The following CEP128 variants were observed in gnomAD, a reference collection of about 807,000 sequenced individuals.
CEP128 encodes the protein centrosomal protein 128.
A neutral mutation model predicts 156.7 loss-of-function variants in CEP128; 132 were observed. That is an observed-to-expected ratio of 0.84 (90% CI 0.73 to 0.97). The LOEUF (loss-of-function observed/expected upper bound fraction) is 0.97, where lower values mean the gene tolerates loss of function less well. Ranked by LOEUF, CEP128 falls within the 50% of genes least tolerant of loss-of-function variation. The probability of loss-of-function intolerance (pLI) is 0.00; values close to 1 mark genes in which losing one functional copy is unlikely to be tolerated. For missense variants in CEP128, 1,252 were observed against 1,281.9 expected (o/e 0.98, Z 0.36); for synonymous variants, 469 against 448.9 (o/e 1.04, Z -0.57).
chr14:80,922,303 A>G (rs1048461192), intron 2 of CEP128, among the ~76,000 whole-genome samples: 3 of 152,198 alleles, frequency 2.0e-5, no homozygotes, highest in African/African-American at 7.2e-5. Flanking sequence ...CCAACTGATG[A>G]GCTGAAGAAA....
At chr14:80,838,929 C>T (rs1443595601) in intron 10 of CEP128, among the ~76,000 whole-genome samples, 1 of 152,122 alleles carries the variant, frequency 6.6e-6, no homozygotes, top group African/African-American at 2.4e-5. Context: ...GAAACCCCAT[C>T]TCTACTAAAA....
chr14:80,800,598 T>C (rs1244991304), intron 13 of CEP128, among the ~76,000 whole-genome samples: 1 of 152,194 alleles, frequency 6.6e-6, no homozygotes, highest in East Asian at 1.9e-4. Context: ...AGTTGCCATG[T>C]TCCTTCTAGA....
chr14:80,619,416 C>T (rs1419646556), intron 19 of CEP128, among the ~76,000 whole-genome samples: 1 of 107,666 alleles, frequency 9.3e-6, no homozygotes, highest in African/African-American at 3.9e-5. Flanking sequence ...AAATAGAAAA[C>T]AGGCCTGGCA....
At chr14:80,612,716 T>C (rs1247445299) in intron 19 of CEP128, among the ~76,000 whole-genome samples, 1 of 152,224 alleles carries the variant, frequency 6.6e-6, no homozygotes. Context: ...CATCACATTC[T>C]GAGTTGTACT....
intron 2 of CEP128, chr14:80,955,719 C>T (rs753393959): frequency 1.2e-6 from 2 of 1,614,128 alleles, no homozygotes; most frequent in Admixed American, 3.3e-5. Context: ...TGCTGCTGCT[C>T]GACCTGCCCA....
intron 15 of CEP128, among the ~76,000 whole-genome samples, chr14:80,778,702 G>C (rs549342565): frequency 6.6e-6 from 1 of 151,854 alleles, no homozygotes; most frequent in Non-Finnish European, 1.5e-5. Context: ...CTTTATTTAG[G>C]GTATAACCAG....
chr14:80,844,532 G>C (rs1458993), intron 9 of CEP128, among the ~76,000 whole-genome samples: 49,425 of 151,874 alleles, frequency 0.33, 8,938 homozygotes, highest in Non-Finnish European at 0.4. Flanking sequence ...GTATTTTCCC[G>C]ATGGAAATGG....
At chr14:80,860,841 T>C (rs1293143814) in intron 9 of CEP128, among the ~76,000 whole-genome samples, 2 of 152,078 alleles carry the variant, frequency 1.3e-5, no homozygotes, top group Non-Finnish European at 2.9e-5. Context: ...CTTTAAAAAA[T>C]CTGTCGATTA....
At chr14:80,699,527 A>G (rs146932474) in intron 19 of CEP128, among the ~76,000 whole-genome samples, 2 of 152,312 alleles carry the variant, frequency 1.3e-5, no homozygotes, top group East Asian at 3.9e-4. Flanking sequence ...AATTATGAAC[A>G]AAATTATTGA....
chr14:80,544,127 T>A (rs963484154), intron 21 of CEP128, among the ~76,000 whole-genome samples: 1 of 152,180 alleles, frequency 6.6e-6, no homozygotes, highest in Admixed American at 6.5e-5. Flanking sequence ...CTGCTAAAGC[T>A]GACCAGATTC....
intron 20 of CEP128, among the ~76,000 whole-genome samples, 186 bp from the exon 21 acceptor site, chr14:80,559,488 T>G (rs1206068099): frequency 6.6e-6 from 1 of 152,200 alleles, no homozygotes; most frequent in African/African-American, 2.4e-5. Context: ...TGAATGTATC[T>G]TTTTTCATCT....
chr14:80,809,937 T>TA (rs912210678), intron 13 of CEP128, among the ~76,000 whole-genome samples: 11 of 149,078 alleles, frequency 7.4e-5, no homozygotes, highest in Admixed American at 6.0e-4. Flanking sequence ...AACATAAAAA[T>TA]AAAAAAAAGA....
chr14:80,838,115 T>C (rs1886174875), intron 11 of CEP128, 89 bp downstream of exon 11: 2 of 880,316 alleles, frequency 2.3e-6, no homozygotes, highest in Middle Eastern at 2.4e-4. Context: ...GACCTAGTTC[T>C]TTTTTTTCCT....
At chr14:80,737,177 G>T (rs535438036) in intron 19 of CEP128, among the ~76,000 whole-genome samples, 1 of 152,042 alleles carries the variant, frequency 6.6e-6, no homozygotes, top group Non-Finnish European at 1.5e-5. Context: ...AGGCCGAGGC[G>T]GGTGGATCAC....
intron 23 of CEP128, among the ~76,000 whole-genome samples, chr14:80,520,281 T>C (rs922606755): frequency 6.6e-6 from 1 of 152,010 alleles, no homozygotes; most frequent in Non-Finnish European, 1.5e-5. Context: ...TAGCCAGGCA[T>C]AGTGGCGCAT....
At chr14:80,633,437 G>C (rs1894048845) in intron 19 of CEP128, among the ~76,000 whole-genome samples, 1 of 152,106 alleles carries the variant, frequency 6.6e-6, no homozygotes, top group African/African-American at 2.4e-5. Flanking sequence ...CCCTTGTAGA[G>C]CTCACAAGCT....
intron 21 of CEP128, among the ~76,000 whole-genome samples, chr14:80,536,803 T>G (rs1358685028): frequency 1.3e-5 from 2 of 152,176 alleles, no homozygotes. Flanking sequence ...TTCAAAGTTG[T>G]GTGTATTTCT....
chr14:80,764,350 T>A (rs1900126453), intron 16 of CEP128, among the ~76,000 whole-genome samples: 1 of 150,424 alleles, frequency 6.6e-6, no homozygotes, highest in African/African-American at 2.5e-5. Flanking sequence ...TACAAAAAAA[T>A]TAGCCGGGCG....
intron 2 of CEP128, chr14:80,955,264 A>G (rs1270508510): frequency 5.8e-6 from 2 of 343,014 alleles, no homozygotes; most frequent in Non-Finnish European, 5.6e-6. Context: ...CACGCTAGGG[A>G]AGGTGGCTCC....
Sources: allele counts gnomAD v4.1 joint callset (sites outside exome capture counted in the v4.1 genomes callset), GRCh38; gene constraint gnomAD v4.1.1; transcripts MANE v1.5; gene names NCBI Gene and HGNC (gene_info 2026-07-23, HGNC 2026-07-21).